Variants in CDAN1 observed in about 807,000 individuals in gnomAD.
The protein encoded by CDAN1 is codanin-1.
A neutral mutation model predicts 139.8 loss-of-function variants in CDAN1; 107 were observed. The observed-to-expected ratio is 0.77, with a 90% CI of 0.65 to 0.90. The LOEUF (loss-of-function observed/expected upper bound fraction) is 0.90, where lower values mean the gene tolerates loss of function less well. Ranked by LOEUF, CDAN1 falls within the 40% of genes least tolerant of loss-of-function variation. The pLI is 0.00. For synonymous variants in CDAN1, 776 were observed against 660.6 expected (o/e 1.17, Z -2.68); for missense variants, 1,667 against 1,575.7 (o/e 1.06, Z -0.98).
intron 19 of CDAN1, 32 bp from the exon 20 acceptor site, chr15:42,728,842 TGGA>T (rs768815034): frequency 1.9e-5 from 31 of 1,614,032 alleles, no homozygotes; most frequent in Middle Eastern, 1.6e-4. Context: ...TGGGGATGGT[TGGA>T]GGGTTAATCG....
rs972991825 is a variant in CDAN1, at chr15:42,725,489, C to T, written c.3450G>A (p.Glu1150=). The T allele has an allele frequency of 6.2e-7, 1 of 1,614,172 alleles. No individual in the cohort carries two copies. Among genetic ancestry groups the T allele is most frequent in the Admixed American group, 1.7e-5 (1 of 60,020 alleles). The part of the protein sequence containing the change: ...VGLLADTRPR[E]WDLLLFLLRE... Reference sequence around the variant, plus strand: ...GGGCTTCTTGTTCCGTCTGACTCACCTCCCTTGGCCTTGTGTCTGCCAGAA... The same window carrying T: ...GGGCTTCTTGTTCCGTCTGACTCACTTCCCTTGGCCTTGTGTCTGCCAGAA... The change falls in exon 26 of 28, where the codon GAG becomes GAA. Residue 1150 remains glutamate (E), a splice_region_variant and synonymous_variant. Coordinates refer to ENST00000356231, the MANE Select transcript of CDAN1 (RefSeq NM_138477.4).
In CDAN1 at chr15:42,731,000, A is replaced by G. The variant is rs1332116220; in HGVS notation, c.1932T>C (p.Ala644=). ...RLLAKFLGFV[A]FLPYRGPEPP... is the part of the protein sequence containing the mutation. ...GTTCAGGCCCCCGGTATGGCAGGAA[A>G]GCCACAAAGCCCAGGAATTTAGCCA... is the stretch of plus-strand genomic sequence containing the variant. The change falls in exon 13 of 28, where the codon GCT becomes GCC. Residue 644 remains alanine, a synonymous_variant. Coordinates refer to ENST00000356231, the MANE Select transcript of CDAN1 (RefSeq NM_138477.4). 6.2e-7 allele frequency: 1 copy of G among 1,614,208 alleles called. No homozygotes were observed. The highest frequency in any genetic ancestry group is 1.1e-5 in the South Asian group (1 of 91,086).
chr15:42,727,521 T>G (rs2061545138), intron 23 of CDAN1, 100 bp downstream of exon 23: 1 of 1,150,322 alleles, frequency 8.7e-7, no homozygotes, highest in Admixed American at 2.9e-5. Context: ...ACAGACAGCT[T>G]CTACATAAAA....
chr15:42,729,185 AC>A (rs752497931), intron 18 of CDAN1, 43 bp downstream of exon 18: 30 of 1,434,126 alleles, frequency 2.1e-5, no homozygotes, highest in Admixed American at 3.4e-5. Flanking sequence ...CCCGCCCCCA[AC>A]CCCCCCTCAT....
chr15:42,725,270 T>C lies in CDAN1; in HGVS notation c.3451-19A>G. The C allele has an allele frequency of 6.2e-7, 1 of 1,608,442 alleles. No individual in the cohort carries two copies. The highest frequency in any genetic ancestry group is 8.5e-7 in the Non-Finnish European group (1 of 1,175,170). On this transcript the variant is annotated intron_variant, in intron 26 of 27. Transcript: ENST00000356231. Reference sequence around the variant, plus strand: ...AGTCCCACTGCAAAACACACCGAGGTCAGGGTTGCTAGGAGGACGACAGAG... The same window carrying C: ...AGTCCCACTGCAAAACACACCGAGGCCAGGGTTGCTAGGAGGACGACAGAG...
chr15:42,729,312 T>C lies in CDAN1; in HGVS notation c.2458A>G (p.Ser820Gly). 6.2e-7 allele frequency: 1 copy of C among 1,613,848 alleles called. No homozygotes were observed. Among genetic ancestry groups the C allele is most frequent in the Non-Finnish European group, 8.5e-7 (1 of 1,179,938 alleles). Residue 820 changes from serine to glycine, a missense_variant, in exon 18 of 28, where the codon AGT becomes GGT. Ser to Gly is a moderately conservative substitution (Grantham distance 56). Around this residue, in one of 3 missense-constraint regions of CDAN1, gnomAD observed 936 missense variants for 844.1 expected, o/e 1.11. Transcript: ENST00000356231. Reference sequence around the variant, plus strand: ...GTGATTTTCCTCATGAAGCCCCCACTCCGTCCACTACTGCCTGACACCCAC... The same window carrying C: ...GTGATTTTCCTCATGAAGCCCCCACCCCGTCCACTACTGCCTGACACCCAC... ...ASWVSGSSGR[S>G]GGFMRKITPT...
Position 42,735,368 on chromosome 15 carries a change from A to G in CDAN1, c.950T>C (p.Leu317Pro), listed in dbSNP as rs2140506395. The G allele has an allele frequency of 6.2e-7, 1 of 1,603,672 alleles. No individual in the cohort carries two copies. The highest frequency in any genetic ancestry group is 8.5e-7 in the Non-Finnish European group (1 of 1,174,476). The change falls in exon 5 of 28, where the codon CTG (leucine) becomes CCG (proline). Residue 317 changes from leucine to proline, a missense_variant. Physicochemically the swap from Leu to Pro is moderately conservative, Grantham distance 98. Transcript: ENST00000356231. The part of the protein sequence containing the change: ...LVYSSCIAEN[L>P]VPNLFLELFF... ...AAGCTCCAAGAAGAGGTTTGGTACCAGGTTCTCTAGATAGATACAAAAAGA... is the reference window on the plus strand; with the variant it reads ...AAGCTCCAAGAAGAGGTTTGGTACCGGGTTCTCTAGATAGATACAAAAAGA...
chr15:42,724,462 A>C lies in CDAN1; in HGVS notation c.*29T>G, dbSNP rs865776517. The C allele has an allele frequency of 2.5e-6, 4 of 1,570,450 alleles. No homozygotes were observed. The Middle Eastern group carries it at 7.5e-4, about 293-fold the overall frequency. ...AGGCGGGGGTCCAGGGTTCTGGTGC[A>C]ATGCCCAAGGCAGGGCCACTTCTCA... On this transcript the variant is annotated 3_prime_UTR_variant, in exon 28 of 28. Coordinates refer to ENST00000356231, the MANE Select transcript of CDAN1 (RefSeq NM_138477.4).
chr15:42,730,731 G>C lies in CDAN1; in HGVS notation c.2041C>G (p.Gln681Glu), dbSNP rs753900955. ...PPVLDVRTLL[Q>E]RGLQARRAVL... ...GCCCGGCGGGCCTGCAGCCCTCGCTGCAGCAGAGTCCGCACATCCAGGACC... is the reference window on the plus strand; with the variant it reads ...GCCCGGCGGGCCTGCAGCCCTCGCTCCAGCAGAGTCCGCACATCCAGGACC... The change falls in exon 14 of 28, where the codon CAG becomes GAG. Residue 681 changes from glutamine to glutamate, a missense_variant. Physicochemically the swap from Gln to Glu is conservative, Grantham distance 29. Around this residue, in one of 3 missense-constraint regions of CDAN1, gnomAD observed 936 missense variants for 844.1 expected, o/e 1.11. Transcript: ENST00000356231. The C allele has an allele frequency of 6.2e-7, 1 of 1,612,700 alleles. No individual in the cohort carries two copies. The highest frequency in any genetic ancestry group is 1.7e-5 in the Admixed American group (1 of 59,782).
rs758009560 is a variant in CDAN1, at chr15:42,727,665, CA to C, written c.3051del (p.Cys1017TrpfsTer15). The C allele has an allele frequency of 1.3e-6, 2 of 1,589,714 alleles. No individual in the cohort carries two copies. Among genetic ancestry groups the C allele is most frequent in the African/African-American group, 2.7e-5 (2 of 74,448 alleles). On this transcript the variant is annotated frameshift_variant, in exon 23 of 28. Transcript: ENST00000356231. LOFTEE classifies it high-confidence loss of function. ...RGERRGCSRA[C>X]EHHAPLPSHL... Reference sequence around the variant, plus strand: ...TGGGAGGGGAGGGGAGCATGGTGCTCACAGGCGCGGGAGCAGCCCCTCCGCT... The same window carrying C: ...TGGGAGGGGAGGGGAGCATGGTGCTCCAGGCGCGGGAGCAGCCCCTCCGCT...
Position 42,735,941 on chromosome 15 carries a change from C to G in CDAN1, c.707G>C (p.Trp236Ser). The G allele has an allele frequency of 6.2e-7, 1 of 1,614,192 alleles. No homozygotes were observed. The highest frequency in any genetic ancestry group is 8.5e-7 in the Non-Finnish European group (1 of 1,180,030). The change falls in exon 3 of 28, where the codon TGG becomes TCG. Residue 236 changes from tryptophan (W) to serine (S), a missense_variant. Physicochemically the swap from Trp to Ser is radical, Grantham distance 177. Coordinates refer to ENST00000356231, the MANE Select transcript of CDAN1 (RefSeq NM_138477.4). ...SQPSALDTSP[W>S]GLGLPPGCRS... Reference sequence around the variant, plus strand: ...GCACCCTGGGGGAAGGCCAAGGCCCCAAGGGCTAGTGTCCAGGGCTGAGGG... The same window carrying G: ...GCACCCTGGGGGAAGGCCAAGGCCCGAAGGGCTAGTGTCCAGGGCTGAGGG...
rs1280171097 is a variant in CDAN1 at position 42,729,340 on chromosome 15, AGC to A, written c.2428_2429del (p.Ala810PhefsTer7). 6.2e-7 allele frequency: 1 copy of A among 1,614,040 alleles called. No homozygotes were observed. Among genetic ancestry groups the A allele is most frequent in the Non-Finnish European group, 8.5e-7 (1 of 1,180,024 alleles). On this transcript the variant is annotated frameshift_variant, in exon 18 of 28. Transcript: ENST00000356231. LOFTEE classifies it high-confidence loss of function. ...GTCCACTACTGCCTGACACCCACGA[AGC>A]GAGCAGTTTCCGGAGCTCTCCTGTA... ...PYIGELRKLL[A>X]SWVSGSSGRS...
rs372759056 is a variant in CDAN1, at chr15:42,736,388, G to A, written c.483C>T (p.Arg161=). ...RRLRGSGSPS[R]PSLTLSDPPN... ...GCGGATCAGACAGCGTGAGGCTGGG[G>A]CGGCTGGGGCTGCCAGAGCCCCTAA... The change falls in exon 2 of 28, where the codon CGC becomes CGT. Residue 161 remains arginine, a synonymous_variant. Transcript: ENST00000356231. 4.0e-5 allele frequency: 65 copies of A among 1,612,958 alleles called. No homozygotes were observed. The African/African-American group carries it at 4.3e-4, about 11-fold the overall frequency.
intron 9 of CDAN1, 88 bp downstream of exon 9, chr15:42,733,009 A>C: frequency 2.7e-5 from 28 of 1,025,458 alleles, no homozygotes; most frequent in East Asian, 4.8e-5. Flanking sequence ...GGAGCGGGGA[A>C]AACCTTCCCT....
chr15:42,736,764 G>A lies in CDAN1; in HGVS notation c.107C>T (p.Ala36Val), dbSNP rs552114001. ...TQGSEDNAGE[A>V]AALSSLRALR... ...GGCCCGGAGTGAGCTCAGCGCGGCC[G>A]CCTCCCCAGCGTTATCCTAGGGCAG... Residue 36 changes from alanine (A) to valine (V), a missense_variant, in exon 2 of 28, where the codon GCG becomes GTG. Transcript: ENST00000356231. 1.9e-6 allele frequency: 3 copies of A among 1,547,814 alleles called. No individual in the cohort carries two copies. Among genetic ancestry groups the A allele is most frequent in the South Asian group, 1.2e-5 (1 of 83,208 alleles).
rs748686673 is a variant in CDAN1, at chr15:42,725,611, C to T, written c.3328G>A (p.Ala1110Thr). The T allele has an allele frequency of 1.3e-5, 21 of 1,614,052 alleles. No homozygotes were observed. In the South Asian group the frequency reaches 2.0e-4, roughly 15 times the overall value. The change falls in exon 26 of 28, where the codon GCT becomes ACT. Residue 1110 changes from alanine (A) to threonine (T), a missense_variant. Ala to Thr is a moderately conservative substitution (Grantham distance 58, BLOSUM62 0). This residue lies in a region of CDAN1 where 936 missense variants were observed against 844.1 expected (regional missense o/e 1.11). Transcript: ENST00000356231. ...PAQYRLERGQ[A>T]RRLLHMLLSL... is the part of the protein sequence containing the mutation. ...AGCAGCATGTGCAGAAGCCTTCGAG[C>T]CTGCCCTCTCTCCAGCCTGTACTGT...
rs140275867 is a variant in CDAN1, at chr15:42,728,033, C to T, written c.2869G>A (p.Val957Ile). 1.4e-5 allele frequency: 22 copies of T among 1,613,796 alleles called. No individual in the cohort carries two copies. The African/African-American group carries it at 2.7e-4, about 20-fold the overall frequency. The change falls in exon 22 of 28, where the codon GTT (valine) becomes ATT (isoleucine). Residue 957 changes from valine (V) to isoleucine (I), a missense_variant and splice_region_variant. By Grantham distance (29) the Val-to-Ile change is conservative (BLOSUM62 3). This residue lies in a region of CDAN1 where 936 missense variants were observed against 844.1 expected (regional missense o/e 1.11). Transcript: ENST00000356231. ...ALLPEETPAA[V>I]LSSAENIAVG... ...GCAATGTTCTCTGCACTGCTCAGAA[C>T]CTGCGAAACAGAACTACAGAGTCAG...
At position 42,729,889 on chromosome 15, in the gene CDAN1, G is replaced by A. The variant is rs780644282; in HGVS notation, c.2263-4C>T. 3.1e-6 allele frequency: 5 copies of A among 1,611,042 alleles called. No individual in the cohort carries two copies. The highest frequency in any genetic ancestry group is 1.7e-5 in the Admixed American group (1 of 59,988). On this transcript the variant is annotated splice_polypyrimidine_tract_variant and splice_region_variant and intron_variant, in intron 15 of 27. Coordinates refer to ENST00000356231, the MANE Select transcript of CDAN1 (RefSeq NM_138477.4). Reference sequence around the variant, plus strand: ...AGTCCTCAGGGACTGTGGGAATCTGGCAAGACAGTCACAATTCAGGTCAAC... The same window carrying A: ...AGTCCTCAGGGACTGTGGGAATCTGACAAGACAGTCACAATTCAGGTCAAC...
chr15:42,724,837 T>TGAGTA (rs1249289174), intron 27 of CDAN1: 4 of 613,646 alleles, frequency 6.5e-6, no homozygotes, highest in Non-Finnish European at 8.6e-6. Flanking sequence ...GACCAGTTTT[T>TGAGTA]GAGTACTACT....
Sources: allele counts gnomAD v4.1 joint callset, GRCh38; gene constraint gnomAD v4.1.1; regional missense constraint gnomAD v4.1.1; transcripts MANE v1.5; gene names NCBI Gene and HGNC (gene_info 2026-07-23, HGNC 2026-07-21).